The following MYH8 variants were observed in gnomAD, a reference collection of about 807,000 sequenced individuals.
MYH8 encodes myosin-8.
MYH8 carries 168 observed loss-of-function variants against 233.2 expected under a neutral mutation model. The observed-to-expected ratio is 0.72, with a 90% CI of 0.64 to 0.82. The LOEUF (loss-of-function observed/expected upper bound fraction) is 0.82. Ranked by LOEUF, MYH8 falls within the 40% of genes least tolerant of loss-of-function variation. The pLI, the probability that MYH8 is intolerant of heterozygous loss-of-function variation, is 0.00. For synonymous variants in MYH8, 785 were observed against 850.6 expected, an observed-to-expected ratio of 0.92 and a Z score of 1.34; for missense variants, 1,995 against 2,327.8, an observed-to-expected ratio of 0.86 and a Z score of 2.94.
In MYH8 at chr17:10,392,606, C is replaced by T. The variant is rs777055080; in HGVS notation, c.5504G>A (p.Arg1835His). ...TAAACCTTTAACAGCCTCTGCATTA[C>T]GTTTCTGTTCATTTTCAACCTCTCC... ...LEGEVENEQKRNAEAVKGLRK... is the reference protein window; with the variant it reads ...LEGEVENEQKHNAEAVKGLRK... Residue 1835 changes from arginine to histidine, a missense_variant, in exon 38 of 40, where the codon CGT becomes CAT. By Grantham distance (29) the Arg-to-His change is conservative (BLOSUM62 0). Coordinates refer to ENST00000403437, the MANE Select transcript of MYH8 (RefSeq NM_002472.3). 5.3e-5 allele frequency: 86 copies of T among 1,614,148 alleles called. No individual in the cohort carries two copies. The South Asian group carries it at 7.5e-4, about 14-fold the overall frequency.
Position 10,406,576 on chromosome 17 carries a change from A to G in MYH8, c.2171+114T>C, listed in dbSNP as rs2072195881. 3 of 1,347,748 alleles carry G rather than the reference A, an allele frequency of 2.2e-6. No homozygotes were observed. The East Asian group carries it at 6.9e-5, about 31-fold the overall frequency. The allele number at this position is 1,347,748 out of a possible 1,614,324, so 83.5% of individuals were successfully genotyped here. ...TTCTGTTGCATGCCTGCTTCCTGTTATCCTTCTAACCTGTTGTATTATCCT... is the reference window on the plus strand; with the variant it reads ...TTCTGTTGCATGCCTGCTTCCTGTTGTCCTTCTAACCTGTTGTATTATCCT... On this transcript the variant is annotated intron_variant, in intron 19 of 39. Transcript: ENST00000403437.
rs562027482 is a variant in MYH8, at chr17:10,392,586, C to G, written c.5524G>C (p.Gly1842Arg). 6.6e-5 allele frequency: 106 copies of G among 1,614,146 alleles called. 1 individual carries two copies. The South Asian group carries it at 1.0e-3, about 16-fold the overall frequency. The part of the protein sequence containing the change: ...EQKRNAEAVK[G>R]LRKHERRVKE... ...ACTCGTCGCTCATGTTTCCGTAAACCTTTAACAGCCTCTGCATTACGTTTC... is the reference window on the plus strand; with the variant it reads ...ACTCGTCGCTCATGTTTCCGTAAACGTTTAACAGCCTCTGCATTACGTTTC... The change falls in exon 38 of 40, where the codon GGT becomes CGT. Residue 1842 changes from glycine (G) to arginine (R), a missense_variant. Around this residue, in one of 3 missense-constraint regions of MYH8, gnomAD observed 1,498 missense variants for 1,680.9 expected, o/e 0.89. Transcript: ENST00000403437.
Position 10,420,108 on chromosome 17 carries a change from G to C in MYH8, c.120C>G (p.Val40=). Residue 40 remains valine (V), a synonymous_variant, in exon 3 of 40, where the codon GTC becomes GTG. Coordinates refer to ENST00000403437, the MANE Select transcript of MYH8 (RefSeq NM_002472.3). ...AGGATTCCTTGGGCTCCGCCACAAA[G>C]ACAGATGTTTTAGCATCAAACGGCT... ...QNKPFDAKTS[V]FVAEPKESYV... is the part of the protein sequence containing the mutation. The C allele has an allele frequency of 6.2e-7, 1 of 1,614,240 alleles. No homozygotes were observed.
Position 10,395,409 on chromosome 17 carries a change from C to A in MYH8, c.4686G>T (p.Leu1562=). The part of the protein sequence containing the change: ...ASLEHEEGKI[L]RIQLELNQVK... ...CTTGGTTTAACTCAAGCTGGATACG[C>A]AGAATCTTTCCTTCTTCATGTTCAA... Residue 1562 remains leucine (L), a synonymous_variant, in exon 34 of 40, where the codon CTG becomes CTT. Transcript: ENST00000403437. 1 of 1,614,132 alleles carries A rather than the reference C, an allele frequency of 6.2e-7. No individual in the cohort carries two copies. The highest frequency in any genetic ancestry group is 8.5e-7 in the Non-Finnish European group (1 of 1,180,000).
rs141215006 is a variant in MYH8 at position 10,392,944 on chromosome 17, G to C, written c.5350C>G (p.Arg1784Gly). ...GTCTGCTCCAGGTTCTTCTTCATCC[G>C]CTCCAGGTGGGCGCTGGTGTCCTGT... is the stretch of plus-strand genomic sequence containing the variant. Reference protein sequence around the residue: ...KEQDTSAHLERMKKNLEQTVK... With the variant: ...KEQDTSAHLEGMKKNLEQTVK... The change falls in exon 37 of 40, where the codon CGG becomes GGG. Residue 1784 changes from arginine to glycine, a missense_variant. This residue lies in a region of MYH8 where 1,498 missense variants were observed against 1,680.9 expected (regional missense o/e 0.89). Transcript: ENST00000403437. 7.3e-3 allele frequency: 11,767 copies of C among 1,614,100 alleles called. 62 individuals carry two copies. Among genetic ancestry groups the C allele is most frequent in the Non-Finnish European group, 8.5e-3 (10,071 of 1,180,022 alleles).
intron 12 of MYH8, 84 bp from the exon 13 acceptor site, chr17:10,412,812 T>A: frequency 1.6e-6 from 2 of 1,236,594 alleles, no homozygotes; most frequent in Non-Finnish European, 2.4e-6. Context: ...CAATTCAATC[T>A]ATTATTTAAA....
At chr17:10,391,378 C>G (rs1489540366) in intron 39 of MYH8, among the ~76,000 whole-genome samples, 1 of 152,136 alleles carries the variant, frequency 6.6e-6, no homozygotes, top group African/African-American at 2.4e-5. Context: ...TTACAAATTG[C>G]TTAATAATAA....
chr17:10,404,435 T>G lies in MYH8; in HGVS notation c.2583A>C (p.Lys861Asn), dbSNP rs2072170675. ...EMATMKEEFQKTKDELAKSEA... is the reference protein window; with the variant it reads ...EMATMKEEFQNTKDELAKSEA... ...CTGACTTGGCGAGTTCATCTTTGGT[T>G]TTCTGGAATTCTTCCTTCATGGTGG... is the stretch of plus-strand genomic sequence containing the variant. The change falls in exon 22 of 40, where the codon AAA becomes AAC. Residue 861 changes from lysine to asparagine, a missense_variant. Lys to Asn is a moderately conservative substitution (Grantham distance 94). Around this residue, in one of 3 missense-constraint regions of MYH8, gnomAD observed 1,498 missense variants for 1,680.9 expected, o/e 0.89. Transcript: ENST00000403437. 4 of 1,613,962 alleles carry G rather than the reference T, an allele frequency of 2.5e-6. No homozygotes were observed. The highest frequency in any genetic ancestry group is 1.3e-5 in the African/African-American group (1 of 74,906).
rs979892031 is a variant in MYH8, at chr17:10,419,346, C to T, written c.211-316G>A. On this transcript the variant is annotated intron_variant, in intron 3 of 39. Coordinates refer to ENST00000403437, the MANE Select transcript of MYH8 (RefSeq NM_002472.3). This position sits in a 1 kb window ranked among gnomAD's most constrained non-coding sequence, Gnocchi z 4.0. Reference sequence around the variant, plus strand: ...GTGCTGGGATTACAGGCGTGAGCCACTGCGCCTGGCTAAGACCAGTTCGTT... The same window carrying T: ...GTGCTGGGATTACAGGCGTGAGCCATTGCGCCTGGCTAAGACCAGTTCGTT... Among the ~76,000 whole-genome samples, 3 of 152,210 alleles carry T rather than the reference C, an allele frequency of 2.0e-5. No individual in the cohort carries two copies.
chr17:10,398,755 T>C lies in MYH8; in HGVS notation c.3981+13A>G. On this transcript the variant is annotated intron_variant, in intron 29 of 39. Transcript: ENST00000403437. The stretch of plus-strand genomic sequence containing the variant: ...AGATTTGGTTAGTCAAAAAAATCCT[T>C]GGCAAAACTCACTTTAGTTTCTTCC... The C allele has an allele frequency of 1.2e-6, 2 of 1,613,988 alleles. No homozygotes were observed. The highest frequency in any genetic ancestry group is 1.3e-5 in the African/African-American group (1 of 75,034).
At chr17:10,399,773 G>GA (rs1378178658) in intron 27 of MYH8, 104 bp from the exon 28 acceptor site, 28 of 1,507,022 alleles carry the variant, frequency 1.9e-5, no homozygotes, top group Non-Finnish European at 2.5e-5. Context: ...TGTCAAGTGT[G>GA]AGTAGAAAGT....
chr17:10,398,469 G>T lies in MYH8; in HGVS notation c.4153C>A (p.Arg1385Ser). 6.2e-7 allele frequency: 1 copy of T among 1,613,948 alleles called. No homozygotes were observed. The highest frequency in any genetic ancestry group is 2.2e-5 in the East Asian group (1 of 44,886). Reference protein sequence around the residue: ...RTKYETDAIQRTEELEEAKKK... With the variant: ...RTKYETDAIQSTEELEEAKKK... ...TTGGCCTCCTCCAGCTCCTCTGTGCGCTGGATGGCATCCGTCTCGTATTTG... is the reference window on the plus strand; with the variant it reads ...TTGGCCTCCTCCAGCTCCTCTGTGCTCTGGATGGCATCCGTCTCGTATTTG... Residue 1385 changes from arginine to serine, a missense_variant, in exon 30 of 40, where the codon CGC (arginine) becomes AGC (serine). By Grantham distance (110) the Arg-to-Ser change is moderately radical (BLOSUM62 -1). Coordinates refer to ENST00000403437, the MANE Select transcript of MYH8 (RefSeq NM_002472.3).
intron 29 of MYH8, 55 bp from the exon 30 acceptor site, chr17:10,398,695 T>TA: frequency 1.2e-6 from 2 of 1,614,088 alleles, no homozygotes. Flanking sequence ...ATATTTAACT[T>TA]ACACATCCCA....
chr17:10,412,231 A>G, intron 14 of MYH8, 139 bp downstream of exon 14: 3 of 1,534,950 alleles, frequency 2.0e-6, no homozygotes, highest in Non-Finnish European at 2.7e-6. Flanking sequence ...GTTACCTCCT[A>G]TTTTGGAGAT....
In MYH8 at chr17:10,415,539, A is replaced by C; in HGVS notation, c.581T>G (p.Val194Gly). ...GAGKTVNTKR[V>G]IQYFATIAVT... ...TGCAATTGTTGCAAAGTATTGGATGACACGCTTGGTGTTCACAGTCTTTCC... is the reference window on the plus strand; with the variant it reads ...TGCAATTGTTGCAAAGTATTGGATGCCACGCTTGGTGTTCACAGTCTTTCC... Residue 194 changes from valine (V) to glycine (G), a missense_variant, in exon 7 of 40, where the codon GTC (valine) becomes GGC (glycine). Val to Gly is a moderately radical substitution (Grantham distance 109). This residue lies in a region of MYH8 where 479 missense variants were observed against 600.9 expected (regional missense o/e 0.80). Coordinates refer to ENST00000403437, the MANE Select transcript of MYH8 (RefSeq NM_002472.3). This position sits in a 1 kb window ranked among gnomAD's most constrained non-coding sequence, Gnocchi z 4.1. 6.2e-7 allele frequency: 1 copy of C among 1,614,250 alleles called. No individual in the cohort carries two copies. Among genetic ancestry groups the C allele is most frequent in the Non-Finnish European group, 8.5e-7 (1 of 1,180,038 alleles).
In MYH8 at chr17:10,415,353, T is replaced by C. The variant is rs1289668311; in HGVS notation, c.680A>G (p.Asn227Ser). 2.5e-6 allele frequency: 4 copies of C among 1,614,056 alleles called. No homozygotes were observed. The highest frequency in any genetic ancestry group is 2.2e-5 in the South Asian group (2 of 91,088). The change falls in exon 8 of 40, where the codon AAT (asparagine) becomes AGT (serine). Residue 227 changes from asparagine (N) to serine (S), a missense_variant. By Grantham distance (46) the Asn-to-Ser change is conservative (BLOSUM62 1). This residue lies in a region of MYH8 where 479 missense variants were observed against 600.9 expected (regional missense o/e 0.80). Transcript: ENST00000403437. This position sits in a 1 kb window ranked among gnomAD's most constrained non-coding sequence, Gnocchi z 4.1. ...GTLEDQIISANPLLEAFGNAK... is the reference protein window; with the variant it reads ...GTLEDQIISASPLLEAFGNAK... ...ATTGCCAAAGGCCTCCAGTAGGGGA[T>C]TGGCGCTGATGATTTGATCTTCCAG...
rs778878392 is a variant in MYH8 at position 10,413,943 on chromosome 17, T to A, written c.1106A>T (p.Gln369Leu). Residue 369 changes from glutamine (Q) to leucine (L), a missense_variant, in exon 12 of 40, where the codon CAA (glutamine) becomes CTA (leucine). Physicochemically the swap from Gln to Leu is moderately radical, Grantham distance 113. Around this residue, in one of 3 missense-constraint regions of MYH8, gnomAD observed 479 missense variants for 600.9 expected, o/e 0.80. Transcript: ENST00000403437. Reference sequence around the variant, plus strand: ...CTCAGCTTGCTCCTCACGCTGCTTTTGCTTGAATTTCATGTTCCCATAATG... The same window carrying A: ...CTCAGCTTGCTCCTCACGCTGCTTTAGCTTGAATTTCATGTTCCCATAATG... ...VMHYGNMKFK[Q>L]KQREEQAEPD... The A allele has an allele frequency of 1.2e-6, 2 of 1,614,074 alleles. No homozygotes were observed. Among genetic ancestry groups the A allele is most frequent in the African/African-American group, 2.7e-5 (2 of 74,932 alleles).
In MYH8 at chr17:10,415,344, A is replaced by T; in HGVS notation, c.689T>A (p.Leu230Gln). 1 of 1,614,212 alleles carries T rather than the reference A, an allele frequency of 6.2e-7. No individual in the cohort carries two copies. Among genetic ancestry groups the T allele is most frequent in the Non-Finnish European group, 8.5e-7 (1 of 1,180,014 alleles). The change falls in exon 8 of 40, where the codon CTG becomes CAG. Residue 230 changes from leucine to glutamine, a missense_variant. Around this residue, in one of 3 missense-constraint regions of MYH8, gnomAD observed 479 missense variants for 600.9 expected, o/e 0.80. Coordinates refer to ENST00000403437, the MANE Select transcript of MYH8 (RefSeq NM_002472.3). This position sits in a 1 kb window ranked among gnomAD's most constrained non-coding sequence, Gnocchi z 4.1. ...EDQIISANPL[L>Q]EAFGNAKTVR... The stretch of plus-strand genomic sequence containing the variant: ...AGTTTTGGCATTGCCAAAGGCCTCC[A>T]GTAGGGGATTGGCGCTGATGATTTG...
At chr17:10,411,482 T>G (rs1486451829) in intron 14 of MYH8, among the ~76,000 whole-genome samples, 1 of 152,202 alleles carries the variant, frequency 6.6e-6, no homozygotes, top group East Asian at 1.9e-4. Context: ...TGGTAGAATT[T>G]ACCTTTTCTC....
Sources: gnomAD v4.1 joint callset for allele counts (sites outside exome capture counted in the v4.1 genomes callset) on GRCh38, gnomAD v4.1.1 for gene constraint, gnomAD v4.1.1 regional missense constraint, Gnocchi (gnomAD v3.1) non-coding constraint, MANE v1.5 for transcripts, NCBI Gene and HGNC (gene_info 2026-07-23, HGNC 2026-07-21) for gene names.